Variants in ANK2 observed in about 807,000 individuals in gnomAD.
ANK2 encodes the protein ankyrin-2.
In ANK2, 83 loss-of-function variants were observed where a neutral mutation model predicts 360.5. The observed-to-expected ratio is 0.23, with a 90% CI of 0.19 to 0.28. The LOEUF is 0.28. Among genes scored for constraint, ANK2 ranks in the 10% least tolerant of loss-of-function variants. ANK2 has a pLI of 1.00. For missense variants in ANK2, 4,201 were observed against 4,795.7 expected, an observed-to-expected ratio of 0.88 and a Z score of 3.66; for synonymous variants, 1,740 against 1,759.5, an observed-to-expected ratio of 0.99 and a Z score of 0.28.
chr4:113,207,686 C>G (rs1396065709), intron 4 of ANK2, among the ~76,000 whole-genome samples: 2 of 101,656 alleles, frequency 2.0e-5, no homozygotes, highest in Non-Finnish European at 4.0e-5. Flanking sequence ...GATCACAAAG[C>G]AAAAAAAAAA....
At chr4:113,025,006 A>G (rs1215143754) in intron 2 of ANK2, among the ~76,000 whole-genome samples, 2 of 152,184 alleles carry the variant, frequency 1.3e-5, no homozygotes, top group East Asian at 3.9e-4. Flanking sequence ...CCATTGATTC[A>G]TTACTCTAGG....
chr4:113,185,851 T>C (rs925916421), intron 2 of ANK2, among the ~76,000 whole-genome samples: 28 of 152,214 alleles, frequency 1.8e-4, no homozygotes, highest in African/African-American at 6.3e-4. Flanking sequence ...AGGTCTTACA[T>C]TTAAATTTTT....
chr4:113,129,003 T>C (rs1448319772), intron 1 of ANK2, among the ~76,000 whole-genome samples: 1 of 152,136 alleles, frequency 6.6e-6, no homozygotes, highest in Non-Finnish European at 1.5e-5. Flanking sequence ...CTGATTTGAG[T>C]AAGAACAGGC....
intron 10 of ANK2, among the ~76,000 whole-genome samples, 200 bp from the exon 11 acceptor site, chr4:113,255,535 G>A (rs1231341634): frequency 1.3e-5 from 2 of 152,080 alleles, no homozygotes; most frequent in African/African-American, 4.8e-5. Flanking sequence ...GTCTATGGTA[G>A]CATAATTATG....
the ANK2 span, among the ~76,000 whole-genome samples, chr4:112,726,194 G>A: frequency 6.6e-6 from 1 of 152,218 alleles, no homozygotes; most frequent in Non-Finnish European, 1.5e-5. Flanking sequence ...AAGAGAGCCA[G>A]TTGTAGCTCA....
chr4:112,944,781 G>C (rs1365965738), intron 2 of ANK2, among the ~76,000 whole-genome samples: 2 of 152,226 alleles, frequency 1.3e-5, no homozygotes, highest in Non-Finnish European at 2.9e-5. Flanking sequence ...GAGAATGTAA[G>C]AGGGAATGTG....
intron 1 of ANK2, among the ~76,000 whole-genome samples, chr4:113,106,509 T>C (rs1271727827): frequency 6.6e-6 from 1 of 152,154 alleles, no homozygotes; most frequent in Non-Finnish European, 1.5e-5. Flanking sequence ...TATCCAAAAA[T>C]ACACTCCCAC....
chr4:112,999,290 A>G (rs2049751348), intron 2 of ANK2, among the ~76,000 whole-genome samples: 4 of 152,088 alleles, frequency 2.6e-5, no homozygotes, highest in African/African-American at 9.7e-5. Context: ...ATTTTTGTGT[A>G]TCACCTTACA....
intron 2 of ANK2, among the ~76,000 whole-genome samples, chr4:112,958,306 T>C (rs1005733412): frequency 1.8e-4 from 28 of 152,270 alleles, no homozygotes; most frequent in African/African-American, 6.5e-4. Context: ...TGGGCACCAT[T>C]GAGCACTGAG....
rs991553054 is a variant in ANK2 at position 112,875,039 on chromosome 4, C to CT, written c.-39-29400dup. ...AAATTATGTACCAATTCCCTAATTA[C>CT]TTTTTTTTTTTTTTTTGAGACTGAG... On this transcript the variant is annotated intron_variant, in intron 1 of 30. Coordinates refer to the ANK2 transcript ENST00000503271. Among the ~76,000 whole-genome samples, 540 of 140,744 alleles carry CT rather than the reference C, an allele frequency of 3.8e-3. 2 individuals are homozygous for CT. The highest frequency in any genetic ancestry group is 6.9e-3 in the African/African-American group (267 of 38,692). 92.3% of individuals were successfully genotyped at this position (140,744 alleles called of 152,430 possible).
At chr4:113,128,808 A>AT (rs2095830385) in intron 1 of ANK2, among the ~76,000 whole-genome samples, 1 of 152,120 alleles carries the variant, frequency 6.6e-6, no homozygotes, top group African/African-American at 2.4e-5. Flanking sequence ...ATATACACAG[A>AT]TAGATATAAA....
At chr4:113,138,150 A>G (rs534527084) in intron 1 of ANK2, among the ~76,000 whole-genome samples, 3 of 152,352 alleles carry the variant, frequency 2.0e-5, no homozygotes, top group African/African-American at 7.2e-5. Context: ...GTGTATAGAT[A>G]CATTTACTCT....
intron 1 of ANK2, among the ~76,000 whole-genome samples, chr4:113,170,883 T>G (rs2097917754): frequency 6.6e-6 from 1 of 152,214 alleles, no homozygotes; most frequent in African/African-American, 2.4e-5. Context: ...ATCCATCTGT[T>G]GCAGATTAAA....
At chr4:113,374,005 A>G (rs1443907380) in intron 45 of ANK2, among the ~76,000 whole-genome samples, 1 of 152,112 alleles carries the variant, frequency 6.6e-6, no homozygotes, top group Non-Finnish European at 1.5e-5. Flanking sequence ...GCTCACTGCA[A>G]CCTCCACCTC....
intron 2 of ANK2, among the ~76,000 whole-genome samples, chr4:113,195,961 C>A (rs747827595): frequency 6.6e-6 from 1 of 152,042 alleles, no homozygotes; most frequent in Non-Finnish European, 1.5e-5. Context: ...GTGTGAAAAG[C>A]GCTTAGCAGA....
At chr4:113,013,165 A>G in intron 2 of ANK2, among the ~76,000 whole-genome samples, 1 of 152,162 alleles carries the variant, frequency 6.6e-6, no homozygotes, top group East Asian at 1.9e-4. Flanking sequence ...AAAGGAATTG[A>G]TAGCCCCAAT....
At chr4:113,050,801 T>C (rs886977079) in intron 1 of ANK2, among the ~76,000 whole-genome samples, 1 of 152,204 alleles carries the variant, frequency 6.6e-6, no homozygotes, top group Non-Finnish European at 1.5e-5. Flanking sequence ...CATGAACAAA[T>C]GAATATTTTT....
chr4:113,299,705 C>CA (rs869269685), intron 22 of ANK2, among the ~76,000 whole-genome samples: 2,857 of 74,840 alleles, frequency 0.038, 42 homozygotes, highest in African/African-American at 0.046. Context: ...AACGACATCT[C>CA]AAAAAAAAAA....
intron 6 of ANK2, 83 bp downstream of exon 6, chr4:113,237,255 G>C (rs1480302847): frequency 6.8e-7 from 1 of 1,465,882 alleles, no homozygotes; most frequent in Non-Finnish European, 9.5e-7. Context: ...AGTAGGCCAT[G>C]GTGATAATGC....
Sources: allele counts gnomAD v4.1 joint callset (sites outside exome capture counted in the v4.1 genomes callset), GRCh38; gene constraint gnomAD v4.1.1; transcripts MANE v1.5; gene names NCBI Gene and HGNC (gene_info 2026-07-23, HGNC 2026-07-21).